Variants in SORCS1 observed in about 807,000 individuals in gnomAD.
SORCS1 encodes sortilin related VPS10 domain containing receptor 1, also known as VPS10 domain-containing receptor SorCS1.
Under a neutral mutation model 146.1 loss-of-function variants are expected in SORCS1, and 60 were observed. That is an observed-to-expected ratio of 0.41 (90% CI 0.33 to 0.51). SORCS1 has a LOEUF of 0.51. Among genes scored for constraint, SORCS1 ranks in the 20% least tolerant of loss-of-function variants. The pLI is 0.21. For missense variants in SORCS1, 1,352 were observed against 1,487.6 expected (o/e 0.91, Z 1.50); for synonymous variants, 637 against 584.0 (o/e 1.09, Z -1.31).
chr10:107,128,573 T>A (rs1387689730), intron 1 of SORCS1, among the ~76,000 whole-genome samples: 2 of 152,174 alleles, frequency 1.3e-5, no homozygotes, highest in African/African-American at 2.4e-5. Context: ...TTAAATATAA[T>A]GAAACAAACC....
At chr10:106,619,132 A>G (rs1208537257) in intron 20 of SORCS1, among the ~76,000 whole-genome samples, 2 of 152,188 alleles carry the variant, frequency 1.3e-5, no homozygotes, top group African/African-American at 4.8e-5. Context: ...TTCTTTTAAA[A>G]GGAAAAATAA....
chr10:107,089,692 G>A (rs1366065302), intron 1 of SORCS1, among the ~76,000 whole-genome samples: 3 of 152,184 alleles, frequency 2.0e-5, no homozygotes, highest in Admixed American at 1.3e-4. Context: ...AAGGATTTAA[G>A]TCTGATGCTG....
intron 1 of SORCS1, among the ~76,000 whole-genome samples, chr10:106,964,198 T>C (rs897426228): frequency 5.3e-5 from 8 of 152,206 alleles, no homozygotes; most frequent in Non-Finnish European, 1.0e-4. Context: ...AATACAGAGA[T>C]AGGCTTTGGC....
At chr10:106,744,321 G>A (rs1857567075) in intron 5 of SORCS1, among the ~76,000 whole-genome samples, 2 of 152,094 alleles carry the variant, frequency 1.3e-5, no homozygotes, top group African/African-American at 4.8e-5. Context: ...TAGCCAGGAT[G>A]GTCTCAATCT....
chr10:107,081,558 C>T (rs1176353384), intron 1 of SORCS1, among the ~76,000 whole-genome samples: 2 of 152,128 alleles, frequency 1.3e-5, no homozygotes, highest in African/African-American at 2.4e-5. Flanking sequence ...CATTCTGTAG[C>T]AATTAATTCT....
chr10:106,829,312 A>C (rs2137004019), intron 3 of SORCS1, among the ~76,000 whole-genome samples: 1 of 152,356 alleles, frequency 6.6e-6, no homozygotes, highest in Admixed American at 6.5e-5. Context: ...AGTCAGCAGC[A>C]TCCACCCAAC....
intron 2 of SORCS1, among the ~76,000 whole-genome samples, chr10:106,909,812 T>TAC (rs1352546621): frequency 4.6e-5 from 7 of 152,156 alleles, no homozygotes; most frequent in African/African-American, 9.7e-5. Flanking sequence ...TATGCACGTA[T>TAC]ACACACACAC....
intron 3 of SORCS1, among the ~76,000 whole-genome samples, chr10:106,821,486 A>T (rs1438743886): frequency 1.3e-5 from 2 of 152,244 alleles, no homozygotes; most frequent in Non-Finnish European, 2.9e-5. Context: ...CATCATACAG[A>T]TATAACTTAG....
intron 1 of SORCS1, among the ~76,000 whole-genome samples, chr10:107,064,214 A>G (rs1160376883): frequency 3.3e-5 from 5 of 152,286 alleles, no homozygotes; most frequent in Non-Finnish European, 5.9e-5. Flanking sequence ...ATACGGTACC[A>G]GCAGCTGGGC....
At chr10:106,656,815 C>A (rs1217347471) in intron 17 of SORCS1, among the ~76,000 whole-genome samples, 1 of 152,090 alleles carries the variant, frequency 6.6e-6, no homozygotes, top group Non-Finnish European at 1.5e-5. Flanking sequence ...GATGGATACC[C>A]AGGCTCTGCA....
chr10:106,870,883 G>GA (rs1950383965), intron 2 of SORCS1, among the ~76,000 whole-genome samples: 3 of 152,014 alleles, frequency 2.0e-5, no homozygotes, highest in African/African-American at 7.2e-5. Context: ...AAAAAGAAAA[G>GA]AAAGAACAAA....
At chr10:106,812,252 G>A (rs904779580) in intron 3 of SORCS1, among the ~76,000 whole-genome samples, 5 of 152,070 alleles carry the variant, frequency 3.3e-5, no homozygotes, top group Admixed American at 6.6e-5. Context: ...CGCCCGCCTC[G>A]GCCTCCCAAA....
chr10:106,882,840 G>A (rs1589623737), intron 2 of SORCS1, among the ~76,000 whole-genome samples: 1 of 152,138 alleles, frequency 6.6e-6, no homozygotes, highest in Admixed American at 6.5e-5. Context: ...TGGATTTGGG[G>A]CTCTGCACTT....
At chr10:106,862,237 A>G (rs1406531002) in intron 2 of SORCS1, among the ~76,000 whole-genome samples, 2 of 152,198 alleles carry the variant, frequency 1.3e-5, no homozygotes, top group Non-Finnish European at 1.5e-5. Context: ...CACTGGAGAC[A>G]TTCAGGGTCA....
intron 2 of SORCS1, among the ~76,000 whole-genome samples, chr10:106,875,755 T>G (rs1950568983): frequency 6.6e-6 from 1 of 152,168 alleles, no homozygotes; most frequent in South Asian, 2.1e-4. Flanking sequence ...TATATCTTCT[T>G]TTGAGAAATG....
At chr10:106,811,146 G>A (rs534507824) in intron 3 of SORCS1, among the ~76,000 whole-genome samples, 2 of 152,022 alleles carry the variant, frequency 1.3e-5, no homozygotes, top group South Asian at 2.1e-4. Flanking sequence ...CACCATCTCG[G>A]CCAGGCTGGT....
rs58654489 is a variant in SORCS1, at chr10:106,862,780, C to CAA, written c.627-33109_627-33108dup. ...CTAACACGGTGAAACCCTGTCTCTACAAAAAAAAAAAAAAAAAAAAAAAAA... is the reference window on the plus strand; with the variant it reads ...CTAACACGGTGAAACCCTGTCTCTACAAAAAAAAAAAAAAAAAAAAAAAAAAA... On this transcript the variant is annotated intron_variant, in intron 2 of 25. Coordinates refer to ENST00000263054, the MANE Select transcript of SORCS1 (RefSeq NM_052918.5). 1.6e-3 allele frequency among the ~76,000 whole-genome samples: 98 copies of CAA among 60,244 alleles called. 5 individuals are homozygous for CAA. Among genetic ancestry groups the CAA allele is most frequent in the East Asian group, 5.9e-3 (9 of 1,534 alleles). The allele number at this position is 60,244 out of a possible 152,430, so 39.5% of individuals were successfully genotyped here.
chr10:106,673,091 T>C, intron 14 of SORCS1, 106 bp from the exon 15 acceptor site: 5 of 794,524 alleles, frequency 6.3e-6, no homozygotes, highest in Middle Eastern at 3.0e-4. Flanking sequence ...GCACATTACA[T>C]GAATCATATC....
intron 17 of SORCS1, chr10:106,667,007 T>C (rs1162597049): frequency 6.6e-6 from 1 of 152,214 alleles, no homozygotes; most frequent in African/African-American, 2.4e-5. Context: ...GATCATTTGT[T>C]TGAATCAGAA....
Sources: gnomAD v4.1 joint callset for allele counts (sites outside exome capture counted in the v4.1 genomes callset) on GRCh38, gnomAD v4.1.1 for gene constraint, MANE v1.5 for transcripts, NCBI Gene and HGNC (gene_info 2026-07-23, HGNC 2026-07-21) for gene names.